HBP1: variants seen among roughly 807,000 people sequenced by gnomAD.
The protein encoded by HBP1 is HMG-box transcription factor 1.
Under a neutral mutation model 62.6 loss-of-function variants are expected in HBP1, and 20 were observed. That is an observed-to-expected ratio of 0.32 (90% CI 0.22 to 0.46). HBP1 has a LOEUF of 0.46. Among genes scored for constraint, HBP1 ranks in the 20% least tolerant of loss-of-function variants. HBP1 has a pLI of 1.00. For missense variants in HBP1, 480 were observed against 611.8 expected (o/e 0.78, Z 2.27); for synonymous variants, 232 against 206.2 (o/e 1.12, Z -1.07).
At chr7:107,180,155 A>G in intron 2 of HBP1, 93 bp downstream of exon 2, 1 of 684,330 alleles carries the variant, frequency 1.5e-6, no homozygotes, top group Non-Finnish European at 2.5e-6. Flanking sequence ...GACTGGCTAG[A>G]AAGGGATATG....
intron 1 of HBP1, 166 bp from the exon 2 acceptor site, chr7:107,179,713 A>G: frequency 2.5e-6 from 1 of 394,336 alleles, no homozygotes; most frequent in South Asian, 6.1e-5. Context: ...TGGAGTTTGC[A>G]GTGAGCCGAG....
At position 107,201,617 on chromosome 7, in the gene HBP1, C is replaced by CGTTT. The variant is rs1798315695; in HGVS notation, c.*186_*187insGTTT. On this transcript the variant is annotated 3_prime_UTR_variant, in exon 11 of 11. Coordinates refer to ENST00000222574, the MANE Select transcript of HBP1 (RefSeq NM_012257.4). ...TTGCTTTCTCCATTAGAGCATTAAG[C>CGTTT]TAAAACTATCAACATTTTAAACCAA... The CGTTT allele has an allele frequency of 1.6e-5, 7 of 440,216 alleles. No homozygotes were observed. The South Asian group carries it at 4.3e-4, about 27-fold the overall frequency. 27.3% of individuals were successfully genotyped at this position (440,216 alleles called of 1,614,324 possible).
rs1798397818 is a variant in HBP1, at chr7:107,202,415, C to T, written c.*984C>T. ...TGGTGTTTCTGGTTAGGAATCACAG[C>T]TGTAAAATTGATTTCAGTTCATCAC... is the stretch of plus-strand genomic sequence containing the variant. On this transcript the variant is annotated 3_prime_UTR_variant, in exon 11 of 11. Transcript: ENST00000222574. 1 of 152,592 alleles carries T rather than the reference C, an allele frequency of 6.6e-6. No homozygotes were observed. The highest frequency in any genetic ancestry group is 6.5e-5 in the Admixed American group (1 of 15,268). 9.5% of individuals were successfully genotyped at this position (152,592 alleles called of 1,614,324 possible).
In HBP1 at chr7:107,177,944, C is replaced by T. The variant is rs529315300; in HGVS notation, c.-15-1935C>T. On this transcript the variant is annotated intron_variant, in intron 1 of 10. Coordinates refer to ENST00000222574, the MANE Select transcript of HBP1 (RefSeq NM_012257.4). Reference sequence around the variant, plus strand: ...ACCAAAAAGATCATGAAAAAGTCTTCGTAGAAAGAAATTTATCAGTGTCAT... The same window carrying T: ...ACCAAAAAGATCATGAAAAAGTCTTTGTAGAAAGAAATTTATCAGTGTCAT... Among the ~76,000 whole-genome samples the T allele has an allele frequency of 1.4e-3, 218 of 151,866 alleles. 3 individuals are homozygous for T. The highest frequency in any genetic ancestry group is 7.7e-4 in the East Asian group (4 of 5,170).
intron 2 of HBP1, among the ~76,000 whole-genome samples, 170 bp from the exon 3 acceptor site, chr7:107,182,201 AAC>A (rs1797140205): frequency 6.6e-6 from 1 of 152,338 alleles, no homozygotes; most frequent in East Asian, 1.9e-4. Context: ...AGAAGCAGAA[AAC>A]ACAAACCAAA....
At chr7:107,171,160 T>C (rs1796574919) in intron 1 of HBP1, among the ~76,000 whole-genome samples, 2 of 145,908 alleles carry the variant, frequency 1.4e-5, no homozygotes, top group Admixed American at 1.4e-4. Context: ...ACCTCCACCT[T>C]CTGGGTTCAA....
chr7:107,178,822 C>G (rs1204964634), intron 1 of HBP1, among the ~76,000 whole-genome samples: 2 of 152,152 alleles, frequency 1.3e-5, no homozygotes, highest in Non-Finnish European at 1.5e-5. Context: ...CACCTGAGAT[C>G]AGGAGTTTGA....
Position 107,185,876 on chromosome 7 carries a change from T to G in HBP1, c.474T>G (p.Ser158=), listed in dbSNP as rs1797329869. 6.2e-7 allele frequency: 1 copy of G among 1,611,066 alleles called. No homozygotes were observed. Among genetic ancestry groups the G allele is most frequent in the Middle Eastern group, 1.7e-4 (1 of 6,056 alleles). The part of the protein sequence containing the change: ...SYARPPPVSS[S]SKSEPAFPHH... Reference sequence around the variant, plus strand: ...CACGCCCTCCACCAGTGTCCTCTTCTTCGAAGAGTGAACCAGCCTTCCCTC... The same window carrying G: ...CACGCCCTCCACCAGTGTCCTCTTCGTCGAAGAGTGAACCAGCCTTCCCTC... The change falls in exon 4 of 11, where the codon TCT becomes TCG. Residue 158 remains serine (S), a synonymous_variant. Coordinates refer to ENST00000222574, the MANE Select transcript of HBP1 (RefSeq NM_012257.4).
rs778274629 is a variant in HBP1, at chr7:107,202,441, ACTT to A, written c.*1015_*1017del. 1.3e-5 allele frequency: 2 copies of A among 152,552 alleles called. No individual in the cohort carries two copies. Among genetic ancestry groups the A allele is most frequent in the African/African-American group, 2.4e-5 (1 of 41,414 alleles). The allele number at this position is 152,552 out of a possible 1,614,324, so 9.4% of individuals were successfully genotyped here. A position where few individuals can be genotyped will look rare whatever the true frequency, so the allele number is the denominator to read the frequency against. The stretch of plus-strand genomic sequence containing the variant: ...TGTAAAATTGATTTCAGTTCATCAC[ACTT>A]CTTCATGATGTTGCCCCTAAATTTT... On this transcript the variant is annotated 3_prime_UTR_variant, in exon 11 of 11. Transcript: ENST00000222574.
rs903726551 is a variant in HBP1, at chr7:107,201,853, G to T, written c.*422G>T. 1 of 154,556 alleles carries T rather than the reference G, an allele frequency of 6.5e-6. No homozygotes were observed. Among genetic ancestry groups the T allele is most frequent in the Non-Finnish European group, 1.4e-5 (1 of 69,438 alleles). The allele number at this position is 154,556 out of a possible 1,614,324, so 9.6% of individuals were successfully genotyped here. ...GCTTATTAATCTGTATTGTACACATGATGAAATGAAGCAGAAGCTGGGAGT... is the reference window on the plus strand; with the variant it reads ...GCTTATTAATCTGTATTGTACACATTATGAAATGAAGCAGAAGCTGGGAGT... On this transcript the variant is annotated 3_prime_UTR_variant, in exon 11 of 11. Transcript: ENST00000222574.
chr7:107,182,661 A>G, intron 3 of HBP1, 60 bp downstream of exon 3: 1 of 947,274 alleles, frequency 1.1e-6, no homozygotes, highest in East Asian at 2.6e-5. Context: ...GGTTTTATTT[A>G]AAAATTTTTC....
At chr7:107,181,053 T>C (rs556025067) in intron 2 of HBP1, among the ~76,000 whole-genome samples, 1 of 152,184 alleles carries the variant, frequency 6.6e-6, no homozygotes, top group African/African-American at 2.4e-5. Flanking sequence ...AGGAAATAGC[T>C]ATATCAGCAT....
chr7:107,180,312 T>C (rs759351876), intron 2 of HBP1, among the ~76,000 whole-genome samples: 4 of 152,246 alleles, frequency 2.6e-5, no homozygotes, highest in Non-Finnish European at 2.9e-5. Flanking sequence ...TGTGTAAAGA[T>C]TGGACCCCAC....
intron 1 of HBP1, among the ~76,000 whole-genome samples, chr7:107,179,177 T>A (rs978321045): frequency 2.6e-5 from 4 of 152,216 alleles, no homozygotes; most frequent in Non-Finnish European, 4.4e-5. Flanking sequence ...CAGTTTTTTT[T>A]AACTTTTATT....
chr7:107,186,156 C>CTTTTTTTTTTTTTTTTTTTTTTTTT (rs946488645), intron 4 of HBP1, among the ~76,000 whole-genome samples: 1 of 127,274 alleles, frequency 7.9e-6, no homozygotes, highest in African/African-American at 2.9e-5. Flanking sequence ...TCTTTTTTTT[C>CTTTTTTTTTTTTTTTTTTTTTTTTT]TTTTTTTTTC....
intron 3 of HBP1, among the ~76,000 whole-genome samples, chr7:107,184,939 C>T (rs1003924268): frequency 1.3e-5 from 2 of 152,208 alleles, no homozygotes; most frequent in Non-Finnish European, 2.9e-5. Context: ...ATGGTTTTCC[C>T]TCCTCCACCT....
At position 107,201,574 on chromosome 7, in the gene HBP1, A is replaced by G; in HGVS notation, c.*143A>G. 2.1e-6 allele frequency: 1 copy of G among 473,554 alleles called. No individual in the cohort carries two copies. The highest frequency in any genetic ancestry group is 3.9e-6 in the Non-Finnish European group (1 of 257,134). The allele number at this position is 473,554 out of a possible 1,614,324, so 29.3% of individuals were successfully genotyped here. On this transcript the variant is annotated 3_prime_UTR_variant, in exon 11 of 11. Transcript: ENST00000222574. ...ATAGCATTGAGTCTTGAAATGATTT[A>G]ATAATATGAGTGAGGATTTGCTTTC...
rs373397278 is a variant in HBP1, at chr7:107,179,879, T to G, written c.-15T>G. ...TTCTTAATGTCGTTTTTATTTTAAGTCAGAGCACCATAACATGGTGTGGGA... is the reference window on the plus strand; with the variant it reads ...TTCTTAATGTCGTTTTTATTTTAAGGCAGAGCACCATAACATGGTGTGGGA... On this transcript the variant is annotated splice_region_variant and 5_prime_UTR_variant, in exon 2 of 11. Transcript: ENST00000222574. The G allele has an allele frequency of 6.4e-7, 1 of 1,557,074 alleles. No individual in the cohort carries two copies. Among genetic ancestry groups the G allele is most frequent in the Non-Finnish European group, 8.8e-7 (1 of 1,136,974 alleles).
intron 8 of HBP1, chr7:107,192,943 G>C (rs1409000420): frequency 6.6e-6 from 1 of 152,288 alleles, no homozygotes; most frequent in Non-Finnish European, 1.5e-5. Flanking sequence ...GGCAAGAAGA[G>C]AAAGAGGTAA....
Sources: allele counts gnomAD v4.1 joint callset (sites outside exome capture counted in the v4.1 genomes callset), GRCh38; gene constraint gnomAD v4.1.1; transcripts MANE v1.5; gene names NCBI Gene and HGNC (gene_info 2026-07-23, HGNC 2026-07-21).